Variants in SCHIP1 observed in about 807,000 individuals in gnomAD.
SCHIP1 encodes schwannomin-interacting protein 1.
In SCHIP1, 8 loss-of-function variants were observed where a neutral mutation model predicts 29.7. The ratio of observed to expected loss-of-function variants is 0.27; its 90% confidence interval spans 0.16 to 0.49. The LOEUF is 0.49. Ranked by LOEUF, SCHIP1 falls within the 20% of genes least tolerant of loss-of-function variation. The pLI is 0.99. For missense variants in SCHIP1, 193 were observed against 294.6 expected (o/e 0.66, Z 2.52); for synonymous variants, 76 against 94.9 (o/e 0.80, Z 1.16).
At chr3:159,676,258 G>A in the SCHIP1 span, among the ~76,000 whole-genome samples, 2 of 152,184 alleles carry the variant, frequency 1.3e-5, no homozygotes, top group East Asian at 3.8e-4. Flanking sequence ...ATGGTAGGTA[G>A]CTTCCTTTAT....
the SCHIP1 span, among the ~76,000 whole-genome samples, chr3:159,647,357 G>A: frequency 6.6e-6 from 1 of 152,110 alleles, no homozygotes; most frequent in African/African-American, 2.4e-5. Context: ...GTTGAACGGG[G>A]AATGAGGTAG....
chr3:159,300,570 A>G, the SCHIP1 span, among the ~76,000 whole-genome samples: 2 of 152,130 alleles, frequency 1.3e-5, no homozygotes, highest in Admixed American at 6.6e-5. Flanking sequence ...TGCAATTAAC[A>G]TTTGGCCAAA....
the SCHIP1 span, among the ~76,000 whole-genome samples, chr3:159,479,764 T>C: frequency 6.6e-6 from 1 of 152,168 alleles, no homozygotes; most frequent in Non-Finnish European, 1.5e-5. Context: ...GAAAAATGAT[T>C]ACAAGCATTC....
chr3:159,643,652 C>T, the SCHIP1 span, among the ~76,000 whole-genome samples: 13 of 152,092 alleles, frequency 8.5e-5, no homozygotes, highest in Non-Finnish European at 1.5e-5. Flanking sequence ...TACTAATGTC[C>T]TTGACTATTT....
In SCHIP1 at chr3:159,861,435, G is replaced by A. The variant is rs1235274176; in HGVS notation, c.31-4728G>A. ...GATTGGGGAATTGCAGTAGAACAGGGCACATCAGGAAAGGCTGAGCATTGG... is the reference window on the plus strand; with the variant it reads ...GATTGGGGAATTGCAGTAGAACAGGACACATCAGGAAAGGCTGAGCATTGG... On this transcript the variant is annotated intron_variant, in intron 1 of 6. Coordinates refer to ENST00000445224, the Ensembl canonical transcript of SCHIP1. The surrounding 1 kb of genome is among the most constrained non-coding windows in gnomAD (Gnocchi z 4.1). 6.6e-6 allele frequency among the ~76,000 whole-genome samples: 1 copy of A among 152,182 alleles called. No individual in the cohort carries two copies. The highest frequency in any genetic ancestry group is 1.5e-5 in the Non-Finnish European group (1 of 68,026).
the SCHIP1 span, among the ~76,000 whole-genome samples, chr3:159,481,946 T>G: frequency 2.6e-5 from 4 of 152,016 alleles, no homozygotes; most frequent in African/African-American, 9.7e-5. Context: ...AGAAAAATAA[T>G]AGAATGGCAG....
chr3:159,405,753 C>T, the SCHIP1 span, among the ~76,000 whole-genome samples: 10 of 151,710 alleles, frequency 6.6e-5, no homozygotes, highest in East Asian at 3.9e-4. Flanking sequence ...CATGGTGGCA[C>T]GCACCTGTAA....
At chr3:159,288,079 A>G in the SCHIP1 span, among the ~76,000 whole-genome samples, 12 of 152,306 alleles carry the variant, frequency 7.9e-5, no homozygotes, top group East Asian at 2.3e-3. Flanking sequence ...GATCTTCTCA[A>G]TACCACTTTG....
At chr3:159,691,990 C>G in the SCHIP1 span, among the ~76,000 whole-genome samples, 5 of 150,466 alleles carry the variant, frequency 3.3e-5, no homozygotes, top group African/African-American at 9.8e-5. Flanking sequence ...GATGGGCTGC[C>G]CTTTGTGGGT....
At chr3:159,863,002 TATCCTGAGG>T (rs1714223032) in intron 1 of SCHIP1, among the ~76,000 whole-genome samples, 1 of 152,146 alleles carries the variant, frequency 6.6e-6, no homozygotes, top group Non-Finnish European at 1.5e-5. Flanking sequence ...TCCAGGAACT[TATCCTGAGG>T]AAATAATCAG....
At chr3:159,768,658 CT>C in the SCHIP1 span, 1 of 152,330 alleles carries the variant, frequency 6.6e-6, no homozygotes, top group Admixed American at 6.5e-5. Context: ...CAGGAACTAT[CT>C]TTGGTGTCAC....
chr3:159,853,887 G>A lies in SCHIP1; in HGVS notation c.31-12276G>A, dbSNP rs552662743. Among the ~76,000 whole-genome samples the A allele has an allele frequency of 5.9e-5, 9 of 152,238 alleles. No homozygotes were observed. In the South Asian group the frequency reaches 1.0e-3, roughly 18 times the overall value. On this transcript the variant is annotated intron_variant, in intron 1 of 6. Transcript: ENST00000445224. The stretch of plus-strand genomic sequence containing the variant: ...TCAAGTTTTAGTTAACATGTTTGGG[G>A]TTTTTAAAAGTTGATACAGTATCTG...
At chr3:159,766,918 T>C in the SCHIP1 span, among the ~76,000 whole-genome samples, 1 of 152,236 alleles carries the variant, frequency 6.6e-6, no homozygotes, top group East Asian at 1.9e-4. Flanking sequence ...TCTTTCCTTC[T>C]TGGGCAGTCT....
the SCHIP1 span, among the ~76,000 whole-genome samples, chr3:159,590,463 C>T: frequency 0.082 from 12,425 of 152,134 alleles, 1,357 homozygotes; most frequent in African/African-American, 0.25. Flanking sequence ...GTAGTCCCAG[C>T]TACTTGGGAA....
the SCHIP1 span, among the ~76,000 whole-genome samples, chr3:159,530,195 T>C: frequency 2.6e-5 from 4 of 152,260 alleles, no homozygotes; most frequent in Non-Finnish European, 5.9e-5. Flanking sequence ...TAGTGGCTCT[T>C]CTAGTTTACA....
the SCHIP1 span, among the ~76,000 whole-genome samples, chr3:159,786,710 CTGTG>C: frequency 5.3e-4 from 76 of 143,206 alleles, no homozygotes; most frequent in East Asian, 1.1e-3. Context: ...CGCGTGTGCA[CTGTG>C]TGTGTGTGTG....
At chr3:159,858,484 TG>T (rs1387809518) in intron 1 of SCHIP1, among the ~76,000 whole-genome samples, 2 of 152,186 alleles carry the variant, frequency 1.3e-5, no homozygotes, top group African/African-American at 4.8e-5. Flanking sequence ...ATTCAAGTGT[TG>T]TGGACTCTGC....
the SCHIP1 span, among the ~76,000 whole-genome samples, chr3:159,827,753 C>T: frequency 1.3e-5 from 2 of 149,804 alleles, no homozygotes; most frequent in African/African-American, 2.5e-5. Flanking sequence ...TGCAGTGAGC[C>T]GAGATTGCGC....
At chr3:159,277,172 C>T in the SCHIP1 span, among the ~76,000 whole-genome samples, 1 of 152,176 alleles carries the variant, frequency 6.6e-6, no homozygotes, top group Admixed American at 6.5e-5. Context: ...CCCACTTCTC[C>T]ACCGGTTTCA....
Sources: gnomAD v4.1 joint callset for allele counts (sites outside exome capture counted in the v4.1 genomes callset) on GRCh38, gnomAD v4.1.1 for gene constraint, Gnocchi (gnomAD v3.1) non-coding constraint, MANE v1.5 for transcripts, NCBI Gene and HGNC (gene_info 2026-07-23, HGNC 2026-07-21) for gene names.